Variants in BLVRB observed in about 807,000 individuals in gnomAD.
The protein encoded by BLVRB is flavin reductase (NADPH).
A neutral mutation model predicts 21.1 loss-of-function variants in BLVRB; 25 were observed. The observed-to-expected ratio is 1.19, with a 90% CI of 0.86 to 1.66. The LOEUF is 1.66. BLVRB is among the 40% of genes most tolerant of loss of function. BLVRB has a pLI of 0.00. For synonymous variants in BLVRB, 128 were observed against 122.2 expected (o/e 1.05, Z -0.31); for missense variants, 274 against 282.7 (o/e 0.97, Z 0.22).
chr19:40,452,899 A>AC (rs1405012118), intron 3 of BLVRB, among the ~76,000 whole-genome samples: 2 of 145,980 alleles, frequency 1.4e-5, no homozygotes, highest in Non-Finnish European at 3.0e-5. Context: ...ACAAAACAAA[A>AC]AAAACACAAA....
chr19:40,454,660 C>T (rs1159219373), intron 3 of BLVRB, among the ~76,000 whole-genome samples: 2 of 152,074 alleles, frequency 1.3e-5, no homozygotes, highest in Non-Finnish European at 2.9e-5. Context: ...ATTCTCCTGC[C>T]TCAGCCTCCC....
intron 1 of BLVRB, among the ~76,000 whole-genome samples, chr19:40,459,371 C>G (rs1322604272): frequency 1.6e-5 from 2 of 127,850 alleles, no homozygotes; most frequent in East Asian, 4.5e-4. Flanking sequence ...AAAGACCATA[C>G]CTTCATGATA....
chr19:40,463,526 T>TCTCCCTCCCTCC (rs1167341659), intron 1 of BLVRB, among the ~76,000 whole-genome samples: 1 of 146,366 alleles, frequency 6.8e-6, no homozygotes, highest in African/African-American at 2.5e-5. Context: ...CCAAGCCCCT[T>TCTCCCTCCCTCC]CTCCCTCCCT....
At chr19:40,456,573 A>G (rs761890452) in intron 3 of BLVRB, among the ~76,000 whole-genome samples, 14 of 152,332 alleles carry the variant, frequency 9.2e-5, no homozygotes, top group Admixed American at 6.5e-5. Flanking sequence ...GCAAAACTTA[A>G]CCAGTTAAAT....
intron 4 of BLVRB, among the ~76,000 whole-genome samples, chr19:40,449,537 C>T (rs1599685130): frequency 1.3e-5 from 2 of 152,240 alleles, no homozygotes; most frequent in African/African-American, 2.4e-5. Flanking sequence ...TGAGCCACCA[C>T]GCTGGCCTGA....
At chr19:40,459,636 T>C (rs1162462278) in intron 1 of BLVRB, among the ~76,000 whole-genome samples, 1 of 151,948 alleles carries the variant, frequency 6.6e-6, no homozygotes, top group Non-Finnish European at 1.5e-5. Flanking sequence ...AGTGGCATGA[T>C]CTCAGCTCAC....
At chr19:40,453,278 T>G (rs1170178596) in intron 3 of BLVRB, among the ~76,000 whole-genome samples, 2 of 152,116 alleles carry the variant, frequency 1.3e-5, no homozygotes, top group Non-Finnish European at 2.9e-5. Flanking sequence ...CACCTTTCCA[T>G]GCAGCTTTTC....
Position 40,458,506 on chromosome 19 carries a change from A to T in BLVRB, c.119T>A (p.Leu40Gln). The change falls in exon 2 of 5, where the codon CTG becomes CAG. Residue 40 changes from leucine to glutamine, a missense_variant. Physicochemically the swap from Leu to Gln is moderately radical, Grantham distance 113. Transcript: ENST00000263368. ...GGCCGGCCGGGGCCCCTCTGATGGC[A>T]GCCTGGAGGAGTCCCGCACCAGCAC... ...VTVLVRDSSR[L>Q]PSEGPRPAHV... The T allele has an allele frequency of 6.2e-7, 1 of 1,611,772 alleles. No homozygotes were observed. The highest frequency in any genetic ancestry group is 1.1e-5 in the South Asian group (1 of 90,488).
At chr19:40,449,667 A>G (rs1246327364) in intron 4 of BLVRB, among the ~76,000 whole-genome samples, 1 of 152,210 alleles carries the variant, frequency 6.6e-6, no homozygotes, top group Non-Finnish European at 1.5e-5. Flanking sequence ...ATGGCTGTCT[A>G]GGTATTTAGG....
chr19:40,462,279 C>CTT (rs1555806553), intron 1 of BLVRB, among the ~76,000 whole-genome samples: 40 of 129,596 alleles, frequency 3.1e-4, no homozygotes, highest in Admixed American at 3.7e-4. Context: ...TATGGGCATT[C>CTT]TTTTTTTTTT....
chr19:40,452,826 C>T lies in BLVRB; in HGVS notation c.335-1334G>A, dbSNP rs150701222. On this transcript the variant is annotated intron_variant, in intron 3 of 4. Coordinates refer to ENST00000263368, the MANE Select transcript of BLVRB (RefSeq NM_000713.3). ...GTTGCAGTGAGCTGAGATCGCGCCACGGCACTCCAGCTTGGGAGACAGAGC... is the reference window on the plus strand; with the variant it reads ...GTTGCAGTGAGCTGAGATCGCGCCATGGCACTCCAGCTTGGGAGACAGAGC... 3.0e-3 allele frequency among the ~76,000 whole-genome samples: 458 copies of T among 151,232 alleles called. 2 individuals carry two copies. Among genetic ancestry groups the T allele is most frequent in the African/African-American group, 0.01 (423 of 41,084 alleles).
rs764519831 is a variant in BLVRB at position 40,447,916 on chromosome 19, G to T, written c.594C>A (p.Ser198Arg). The T allele has an allele frequency of 8.5e-5, 137 of 1,613,982 alleles. No homozygotes were observed. Among genetic ancestry groups the T allele is most frequent in the Non-Finnish European group, 1.1e-4 (132 of 1,180,010 alleles). The change falls in exon 5 of 5, where the codon AGC (serine) becomes AGA (arginine). Residue 198 changes from serine (S) to arginine (R), a missense_variant. Ser to Arg is a moderately radical substitution (Grantham distance 110). Coordinates refer to ENST00000263368, the MANE Select transcript of BLVRB (RefSeq NM_000713.3). ...CLTTDEYDGH[S>R]TYPSHQYQ ...ACTGGTACTGGTGGGAGGGGTAGGT[G>T]CTGTGTCCGTCGTACTCATCGGTGG...
intron 4 of BLVRB, among the ~76,000 whole-genome samples, chr19:40,450,736 T>A (rs2145776867): frequency 1.4e-5 from 2 of 147,358 alleles, no homozygotes; most frequent in East Asian, 2.0e-4. Context: ...TAGAGATAAG[T>A]CTATGTTGCC....
Position 40,454,607 on chromosome 19 carries a change from A to G in BLVRB, c.335-3115T>C, listed in dbSNP as rs1165844436. Among the ~76,000 whole-genome samples the G allele has an allele frequency of 2.0e-5, 3 of 148,890 alleles. No individual in the cohort carries two copies. In the East Asian group the frequency reaches 6.0e-4, roughly 30 times the overall value. On this transcript the variant is annotated intron_variant, in intron 3 of 4. Transcript: ENST00000263368. Reference sequence around the variant, plus strand: ...GTCACCCAGGCTGGAGTGCAGTGGCACGATCTCAGCTCACTGCAAGCTCCT... The same window carrying G: ...GTCACCCAGGCTGGAGTGCAGTGGCGCGATCTCAGCTCACTGCAAGCTCCT...
rs2079772794 is a variant in BLVRB, at chr19:40,458,505, C to T, written c.120G>A (p.Leu40=). 5 of 1,611,494 alleles carry T rather than the reference C, an allele frequency of 3.1e-6. No individual in the cohort carries two copies. Among genetic ancestry groups the T allele is most frequent in the African/African-American group, 1.3e-5 (1 of 74,882 alleles). ...GGGCCGGCCGGGGCCCCTCTGATGG[C>T]AGCCTGGAGGAGTCCCGCACCAGCA... ...VTVLVRDSSR[L]PSEGPRPAHV... is the part of the protein sequence containing the mutation. The change falls in exon 2 of 5, where the codon CTG becomes CTA. Residue 40 remains leucine (L), a synonymous_variant. Coordinates refer to ENST00000263368, the MANE Select transcript of BLVRB (RefSeq NM_000713.3).
chr19:40,465,041 A>G (rs1466120532), intron 1 of BLVRB, among the ~76,000 whole-genome samples: 1 of 151,990 alleles, frequency 6.6e-6, no homozygotes, highest in East Asian at 1.9e-4. Flanking sequence ...ACTCCTTCCC[A>G]TTAGGTACTC....
At chr19:40,449,687 C>G (rs931471295) in intron 4 of BLVRB, among the ~76,000 whole-genome samples, 1 of 152,046 alleles carries the variant, frequency 6.6e-6, no homozygotes, top group Admixed American at 6.6e-5. Flanking sequence ...GAGTTAAGTG[C>G]GACAATGTTG....
At chr19:40,454,892 A>T (rs951886804) in intron 3 of BLVRB, among the ~76,000 whole-genome samples, 1 of 152,090 alleles carries the variant, frequency 6.6e-6, no homozygotes, top group Non-Finnish European at 1.5e-5. Flanking sequence ...CCAAGGCTGG[A>T]GTGCAGTGGT....
chr19:40,453,495 G>T (rs2079749679), intron 3 of BLVRB, among the ~76,000 whole-genome samples: 1 of 152,162 alleles, frequency 6.6e-6, no homozygotes, highest in African/African-American at 2.4e-5. Context: ...ATTTGTTCAG[G>T]AATTAGCTTT....
Sources: gnomAD v4.1 joint callset for allele counts (sites outside exome capture counted in the v4.1 genomes callset) on GRCh38, gnomAD v4.1.1 for gene constraint, MANE v1.5 for transcripts, NCBI Gene and HGNC (gene_info 2026-07-23, HGNC 2026-07-21) for gene names.